Variants in SYNRG observed in about 807,000 individuals in gnomAD.
SYNRG encodes AP1 gamma subunit binding protein 1.
In SYNRG, 37 loss-of-function variants were observed where a neutral mutation model predicts 130.9. That is an observed-to-expected ratio of 0.28 (90% CI 0.22 to 0.37). The LOEUF is 0.37. Among genes scored for constraint, SYNRG ranks in the 10% least tolerant of loss-of-function variants. The pLI, the probability that SYNRG is intolerant of heterozygous loss-of-function variation, is 1.00. For synonymous variants in SYNRG, 539 were observed against 568.1 expected, an observed-to-expected ratio of 0.95 and a Z score of 0.73; for missense variants, 1,338 against 1,588.9, an observed-to-expected ratio of 0.84 and a Z score of 2.68.
chr17:37,532,671 CAAA>C (rs56982337), intron 19 of SYNRG, among the ~76,000 whole-genome samples: 122 of 79,096 alleles, frequency 1.5e-3, no homozygotes, highest in African/African-American at 5.7e-3. Flanking sequence ...AGATCTGTCT[CAAA>C]AAAAAAAAAA....
At chr17:37,597,256 C>A (rs1287344025) in intron 2 of SYNRG, among the ~76,000 whole-genome samples, 1 of 152,236 alleles carries the variant, frequency 6.6e-6, no homozygotes, top group Non-Finnish European at 1.5e-5. Flanking sequence ...TTTCAGATGA[C>A]TGCAAGCCTG....
At chr17:37,522,157 A>ACACACACACAC (rs1568245884) in intron 19 of SYNRG, among the ~76,000 whole-genome samples, 3 of 151,166 alleles carry the variant, frequency 2.0e-5, no homozygotes, top group South Asian at 2.1e-4. Flanking sequence ...ACACACACAC[A>ACACACACACAC]ATGGTTAAAA....
chr17:37,559,420 T>G (rs570483909), intron 13 of SYNRG, among the ~76,000 whole-genome samples: 1 of 152,174 alleles, frequency 6.6e-6, no homozygotes, highest in Non-Finnish European at 1.5e-5. Context: ...CCAAGTGTGG[T>G]GGCTCACGCC....
rs2054583332 is a variant in SYNRG, at chr17:37,518,370, T to G, written c.*570A>C. On this transcript the variant is annotated 3_prime_UTR_variant, in exon 22 of 22. Transcript: ENST00000612223. ...AAGGAGTAGAGAACTGGTTCAGTTG[T>G]GACAACCAAGTGGGTAAAATCTGCC... 1 of 152,354 alleles carries G rather than the reference T, an allele frequency of 6.6e-6. No homozygotes were observed. The highest frequency in any genetic ancestry group is 1.5e-5 in the Non-Finnish European group (1 of 68,176). The allele number at this position is 152,354 out of a possible 1,614,324, so 9.4% of individuals were successfully genotyped here.
intron 3 of SYNRG, among the ~76,000 whole-genome samples, chr17:37,589,334 T>C (rs2061951508): frequency 6.6e-6 from 1 of 152,142 alleles, no homozygotes; most frequent in Non-Finnish European, 1.5e-5. Flanking sequence ...GCATAAGATA[T>C]TTACTGATGC....
chr17:37,536,128 C>G lies in SYNRG; in HGVS notation c.3518-1G>C. 1 of 1,607,848 alleles carries G rather than the reference C, an allele frequency of 6.2e-7. No homozygotes were observed. The highest frequency in any genetic ancestry group is 8.5e-7 in the Non-Finnish European group (1 of 1,176,654). On this transcript the variant is annotated splice_acceptor_variant, in intron 18 of 21. Transcript: ENST00000612223. LOFTEE classifies it high-confidence loss of function. The stretch of plus-strand genomic sequence containing the variant: ...GTTACCCTGTACACTTCAACAACAC[C>G]TGACGGGATGAGAGAGCAGAGAGAG...
chr17:37,553,660 T>A lies in SYNRG; in HGVS notation c.2063A>T (p.Gln688Leu). ...AGCCATAAAATCTGCAAAGTCATCC[T>A]GCTCCCCAACAGGTGCTAGACCAGA... ...EYSGLAPVGEQDDFADFMAFS... is the reference protein window; with the variant it reads ...EYSGLAPVGELDDFADFMAFS... Residue 688 changes from glutamine to leucine, a missense_variant, in exon 14 of 22, where the codon CAG (glutamine) becomes CTG (leucine). Coordinates refer to ENST00000612223, the MANE Select transcript of SYNRG (RefSeq NM_007247.6). The A allele has an allele frequency of 6.2e-7, 1 of 1,614,066 alleles. No individual in the cohort carries two copies. Among genetic ancestry groups the A allele is most frequent in the Non-Finnish European group, 8.5e-7 (1 of 1,179,996 alleles).
At chr17:37,597,529 TA>T (rs2062882844) in intron 2 of SYNRG, among the ~76,000 whole-genome samples, 1 of 152,252 alleles carries the variant, frequency 6.6e-6, no homozygotes, top group Non-Finnish European at 1.5e-5. Flanking sequence ...TTATCATTTG[TA>T]AAACTGTTTA....
At chr17:37,596,615 T>A (rs767143239) in intron 2 of SYNRG, among the ~76,000 whole-genome samples, 1 of 152,176 alleles carries the variant, frequency 6.6e-6, no homozygotes, top group East Asian at 1.9e-4. Flanking sequence ...TATGGCCTAA[T>A]TGGGGTACTC....
intron 14 of SYNRG, among the ~76,000 whole-genome samples, chr17:37,550,706 A>T (rs1198780695): frequency 1.5e-4 from 23 of 152,214 alleles, no homozygotes; most frequent in Admixed American, 7.2e-4. Flanking sequence ...CCAAAAAAAA[A>T]AAAAGGTGCT....
rs182014434 is a variant in SYNRG at position 37,562,673 on chromosome 17, A to G, written c.1482-1084T>C. ...CCTTTAGGGCTTAATGCCATCAAAT[A>G]TTATGATTTCACGTCACCACCAAAC... is the stretch of plus-strand genomic sequence containing the variant. On this transcript the variant is annotated intron_variant, in intron 11 of 21. Transcript: ENST00000612223. Among the ~76,000 whole-genome samples, 7 of 152,322 alleles carry G rather than the reference A, an allele frequency of 4.6e-5. No individual in the cohort carries two copies. The East Asian group carries it at 1.2e-3, about 25-fold the overall frequency.
At chr17:37,546,407 T>C (rs76773742) in intron 14 of SYNRG, among the ~76,000 whole-genome samples, 10,114 of 152,244 alleles carry the variant, frequency 0.066, 1,100 homozygotes, top group African/African-American at 0.23. Context: ...CAAATTGTTG[T>C]TTTAATGCAT....
chr17:37,518,607 A>T lies in SYNRG; in HGVS notation c.*333T>A. ...TCGCCCATTCTAGTCCCGCAACGGT[A>T]ATCTATTTTTCTTCAAATGTCAGTT... is the stretch of plus-strand genomic sequence containing the variant. On this transcript the variant is annotated 3_prime_UTR_variant, in exon 22 of 22. Coordinates refer to ENST00000612223, the MANE Select transcript of SYNRG (RefSeq NM_007247.6). 3.9e-6 allele frequency: 1 copy of T among 255,238 alleles called. No individual in the cohort carries two copies. The allele number at this position is 255,238 out of a possible 1,614,324, so 15.8% of individuals were successfully genotyped here.
chr17:37,541,342 C>T (rs1020564386), intron 15 of SYNRG: 4 of 759,474 alleles, frequency 5.3e-6, no homozygotes, highest in Admixed American at 6.2e-5. Flanking sequence ...TAAGTAGGTC[C>T]GCTGAGACAG....
At chr17:37,601,684 A>T (rs1598665542) in intron 1 of SYNRG, among the ~76,000 whole-genome samples, 1 of 151,998 alleles carries the variant, frequency 6.6e-6, no homozygotes, top group Middle Eastern at 3.4e-3. Context: ...TATTTTTTTG[A>T]GACGGAGTTT....
intron 6 of SYNRG, among the ~76,000 whole-genome samples, chr17:37,581,275 T>TATC (rs2061312075): frequency 9.7e-6 from 1 of 102,592 alleles, no homozygotes; most frequent in Non-Finnish European, 2.2e-5. Flanking sequence ...TTATTATTAC[T>TATC]ATTATTATTA....
chr17:37,536,290 G>C (rs376887912), intron 18 of SYNRG, 163 bp from the exon 19 acceptor site: 18 of 846,248 alleles, frequency 2.1e-5, no homozygotes, highest in East Asian at 1.9e-4. Context: ...CAATGCTGCT[G>C]TATAGCTTAC....
At chr17:37,543,156 T>C (rs1191653042) in intron 14 of SYNRG, among the ~76,000 whole-genome samples, 1 of 152,206 alleles carries the variant, frequency 6.6e-6, no homozygotes, top group African/African-American at 2.4e-5. Flanking sequence ...AGCAATTACT[T>C]ACCTAGTTGT....
In SYNRG at chr17:37,542,185, C is replaced by G. The variant is rs150777752; in HGVS notation, c.2989G>C (p.Glu997Gln). The change falls in exon 15 of 22, where the codon GAA becomes CAA. Residue 997 changes from glutamate (E) to glutamine (Q), a missense_variant. Transcript: ENST00000612223. ...GGACACGTGGCCTCCTGGCTCCGTT[C>G]AGCCGTAGGCAGGTCCTGTTTTGTG... ...DFTKQDLPTA[E>Q]RSQEATCPSP... The G allele has an allele frequency of 4.2e-4, 677 of 1,614,106 alleles. 5 individuals are homozygous for G. Among genetic ancestry groups the G allele is most frequent in the Admixed American group, 1.7e-3 (101 of 60,008 alleles).
Sources: gnomAD v4.1 joint callset for allele counts (sites outside exome capture counted in the v4.1 genomes callset) on GRCh38, gnomAD v4.1.1 for gene constraint, MANE v1.5 for transcripts, NCBI Gene and HGNC (gene_info 2026-07-23, HGNC 2026-07-21) for gene names.